The following EIF4E3 variants were observed in gnomAD, a reference collection of about 807,000 sequenced individuals.
EIF4E3 encodes the protein eukaryotic translation initiation factor 4E family member 3.
In EIF4E3, 26 loss-of-function variants were observed where a neutral mutation model predicts 31.7. The observed-to-expected ratio is 0.82, with a 90% CI of 0.60 to 1.14. The LOEUF (loss-of-function observed/expected upper bound fraction) is 1.14. EIF4E3 is among the 50% of genes most tolerant of loss of function. The pLI is 0.00. For missense variants in EIF4E3, 304 were observed against 270.9 expected, an observed-to-expected ratio of 1.12 and a Z score of -0.86; for synonymous variants, 128 against 107.7, an observed-to-expected ratio of 1.19 and a Z score of -1.17.
At chr3:71,665,643 A>C in the EIF4E3 span, among the ~76,000 whole-genome samples, 1 of 152,208 alleles carries the variant, frequency 6.6e-6, no homozygotes, top group Non-Finnish European at 1.5e-5. Context: ...AAATCAATAG[A>C]ATATACATTC....
intron 2 of EIF4E3, among the ~76,000 whole-genome samples, chr3:71,709,724 G>C (rs2049348091): frequency 6.6e-6 from 1 of 152,104 alleles, no homozygotes; most frequent in African/African-American, 2.4e-5. Context: ...CACCATCAGA[G>C]TTAGATAGAG....
At chr3:71,749,326 A>G (rs962370888) in intron 1 of EIF4E3, among the ~76,000 whole-genome samples, 1 of 152,204 alleles carries the variant, frequency 6.6e-6, no homozygotes, top group African/African-American at 2.4e-5. Context: ...AGTGGTCCTC[A>G]CCGCAAGGCC....
intron 1 of EIF4E3, among the ~76,000 whole-genome samples, chr3:71,716,639 C>T (rs1451810259): frequency 2.6e-5 from 4 of 152,152 alleles, no homozygotes; most frequent in African/African-American, 9.7e-5. Flanking sequence ...CTGATTAAAA[C>T]ACCTTAGGTA....
At chr3:71,749,988 G>A (rs1336172648) in intron 1 of EIF4E3, among the ~76,000 whole-genome samples, 2 of 152,198 alleles carry the variant, frequency 1.3e-5, no homozygotes, top group African/African-American at 2.4e-5. Context: ...TAAATGCTGT[G>A]AGAGAACCAT....
In EIF4E3 at chr3:71,690,133, G is replaced by C. The variant is rs145879433; in HGVS notation, c.505C>G (p.Arg169Gly). The change falls in exon 6 of 7, where the codon CGG (arginine) becomes GGG (glycine). Residue 169 changes from arginine (R) to glycine (G), a missense_variant. Transcript: ENST00000425534. ...ACTTGGACGACGTCTTCTCGGTCCC[G>C]AACACTGACACTAACTCCTATTACT... is the stretch of plus-strand genomic sequence containing the variant. ...DEVIGVSVSV[R>G]DREDVVQVWN... is the part of the protein sequence containing the mutation. 6.2e-7 allele frequency: 1 copy of C among 1,612,034 alleles called. No homozygotes were observed.
the EIF4E3 span, among the ~76,000 whole-genome samples, chr3:71,659,428 T>C: frequency 6.6e-6 from 1 of 152,298 alleles, no homozygotes; most frequent in East Asian, 1.9e-4. Flanking sequence ...TTCTCAAATC[T>C]GAATAGAACA....
chr3:71,671,780 T>G (rs1559580839), downstream of EIF4E3, among the ~76,000 whole-genome samples: 1 of 151,884 alleles, frequency 6.6e-6, no homozygotes, highest in South Asian at 2.1e-4. Context: ...CTTTTAAAAA[T>G]TGTGCTATAA....
chr3:71,703,811 C>CAAAAAAA lies in EIF4E3; in HGVS notation c.250-4110_250-4104dup, dbSNP rs370789059. Among the ~76,000 whole-genome samples the CAAAAAAA allele has an allele frequency of 9.7e-4, 70 of 72,276 alleles. 1 individual carries two copies. Among genetic ancestry groups the CAAAAAAA allele is most frequent in the African/African-American group, 1.2e-3 (20 of 17,110 alleles). 47.4% of individuals were successfully genotyped at this position (72,276 alleles called of 152,430 possible). ...ACAAAACCACCCAGCAAACACACAT[C>CAAAAAAA]AAAAAAAAAAAAAAAAAAAAAAAAT... On this transcript the variant is annotated intron_variant, in intron 2 of 6. Coordinates refer to ENST00000425534, the MANE Select transcript of EIF4E3 (RefSeq NM_001134651.2).
chr3:71,730,809 A>G (rs2049698157), intron 1 of EIF4E3, among the ~76,000 whole-genome samples: 1 of 151,926 alleles, frequency 6.6e-6, no homozygotes. Context: ...TGGCTCATGC[A>G]GCCTCGGCCT....
intron 1 of EIF4E3, among the ~76,000 whole-genome samples, chr3:71,711,484 T>C (rs758260433): frequency 4.6e-5 from 7 of 152,162 alleles, no homozygotes; most frequent in South Asian, 2.1e-4. Flanking sequence ...CCCAGAGACG[T>C]TGCCCCCAAG....
At chr3:71,693,212 T>C (rs2049087458) in intron 5 of EIF4E3, among the ~76,000 whole-genome samples, 1 of 152,238 alleles carries the variant, frequency 6.6e-6, no homozygotes, top group South Asian at 2.1e-4. Flanking sequence ...AATGGGTTCA[T>C]GATAAACACA....
chr3:71,754,103 G>C, upstream of EIF4E3: 1 of 1,393,356 alleles, frequency 7.2e-7, no homozygotes, highest in Non-Finnish European at 9.4e-7. This position sits in a 1 kb window ranked among gnomAD's most constrained non-coding sequence, Gnocchi z 5.8. Context: ...CGGCCGCCCT[G>C]GGCCTCAAGC....
intron 6 of EIF4E3, among the ~76,000 whole-genome samples, chr3:71,687,207 G>A (rs553846107): frequency 1.3e-5 from 2 of 152,200 alleles, no homozygotes; most frequent in East Asian, 3.9e-4. Context: ...TCGCCATGTT[G>A]GCCAGGCTGG....
chr3:71,708,526 C>T (rs1480911997), intron 2 of EIF4E3, among the ~76,000 whole-genome samples: 2 of 151,988 alleles, frequency 1.3e-5, no homozygotes, highest in Non-Finnish European at 1.5e-5. Flanking sequence ...AAATTGCTCC[C>T]TGAAGACCCT....
intron 2 of EIF4E3, among the ~76,000 whole-genome samples, chr3:71,701,037 G>T (rs1578348552): frequency 6.6e-6 from 1 of 152,148 alleles, no homozygotes; most frequent in Admixed American, 6.5e-5. Context: ...ACGAGGAAGA[G>T]GGCCCTCACC....
chr3:71,705,337 C>A (rs912229832), intron 2 of EIF4E3, among the ~76,000 whole-genome samples: 1 of 152,142 alleles, frequency 6.6e-6, no homozygotes, highest in African/African-American at 2.4e-5. Context: ...TCCAGTCAGG[C>A]GGCTTGACCT....
At chr3:71,670,360 G>T in the EIF4E3 span, among the ~76,000 whole-genome samples, 2 of 151,968 alleles carry the variant, frequency 1.3e-5, no homozygotes, top group Non-Finnish European at 2.9e-5. Flanking sequence ...CATTTCTTTT[G>T]CCCCTCCTTT....
chr3:71,661,109 A>G, the EIF4E3 span, among the ~76,000 whole-genome samples: 1 of 151,932 alleles, frequency 6.6e-6, no homozygotes, highest in Non-Finnish European at 1.5e-5. Context: ...ACTTTTAAAT[A>G]TAATAATTGT....
rs1491371856 is a variant in EIF4E3 at position 71,714,265 on chromosome 3, G to GGAAA, written c.177-3782_177-3781insTTTC. On this transcript the variant is annotated intron_variant, in intron 1 of 6. Transcript: ENST00000425534. ...GGAAAGGAAGGAAGGAAGGAAGGAA[G>GGAAA]GAAGGAAAGAAGGAAGGAAGGAAGG... Among the ~76,000 whole-genome samples the GGAAA allele has an allele frequency of 3.5e-5, 4 of 114,358 alleles. No homozygotes were observed. The East Asian group carries it at 8.9e-4, about 26-fold the overall frequency. The allele number at this position is 114,358 out of a possible 152,430, so 75.0% of individuals were successfully genotyped here.
Sources: gnomAD v4.1 joint callset for allele counts (sites outside exome capture counted in the v4.1 genomes callset) on GRCh38, gnomAD v4.1.1 for gene constraint, Gnocchi (gnomAD v3.1) non-coding constraint, MANE v1.5 for transcripts, NCBI Gene and HGNC (gene_info 2026-07-23, HGNC 2026-07-21) for gene names.